Variants in CRB1 observed in about 807,000 individuals in gnomAD.
CRB1 encodes protein crumbs homolog 1.
A neutral mutation model predicts 120.0 loss-of-function variants in CRB1; 83 were observed. The observed-to-expected ratio is 0.69, with a 90% CI of 0.58 to 0.83. The LOEUF is 0.83. Among genes scored for constraint, CRB1 ranks in the 40% least tolerant of loss-of-function variants. CRB1 has a pLI of 0.00. For synonymous variants in CRB1, 625 were observed against 612.5 expected (o/e 1.02, Z -0.30); for missense variants, 1,699 against 1,687.6 (o/e 1.01, Z -0.12).
At chr1:197,297,278 G>T (rs577248064) in intron 1 of CRB1, among the ~76,000 whole-genome samples, 2 of 151,910 alleles carry the variant, frequency 1.3e-5, no homozygotes, top group East Asian at 2.0e-4. Context: ...GCTCCTAATT[G>T]TTCCTTTCTA....
chr1:197,413,053 A>AT (rs1663792602), intron 5 of CRB1, among the ~76,000 whole-genome samples: 1 of 152,190 alleles, frequency 6.6e-6, no homozygotes, highest in East Asian at 1.9e-4. Flanking sequence ...CAAGGTCTCA[A>AT]CCTAAAGGAA....
At chr1:197,388,671 A>G (rs1193687593) in intron 5 of CRB1, among the ~76,000 whole-genome samples, 1 of 152,144 alleles carries the variant, frequency 6.6e-6, no homozygotes, top group African/African-American at 2.4e-5. Context: ...CTAATAATGT[A>G]GAAATCAATC....
intron 10 of CRB1, chr1:197,439,117 G>C (rs980370): frequency 0.94 from 160,331 of 170,840 alleles, 76,165 homozygotes; most frequent in East Asian, 1. Flanking sequence ...CTCTTCAACT[G>C]TTCTTCACCT....
chr1:197,312,599 C>T (rs1431038539), intron 1 of CRB1, among the ~76,000 whole-genome samples: 2 of 151,908 alleles, frequency 1.3e-5, no homozygotes, highest in Non-Finnish European at 2.9e-5. Context: ...AACAAACAAA[C>T]AAACACCCAA....
In CRB1 at chr1:197,356,905, G is replaced by A. The variant is rs750352473; in HGVS notation, c.1063G>A (p.Val355Met). ...SNPCQSNGECVELSSEKQYGR... is the reference protein window; with the variant it reads ...SNPCQSNGECMELSSEKQYGR... ...CCCCTGCCAGTCCAATGGGGAATGT[G>A]TGGAGCTGTCCTCAGAGAAACAATA... Residue 355 changes from valine to methionine, a missense_variant, in exon 5 of 12, where the codon GTG (valine) becomes ATG (methionine). Val to Met is a conservative substitution (Grantham distance 21, BLOSUM62 1). Transcript: ENST00000367400. 3.7e-5 allele frequency: 59 copies of A among 1,614,206 alleles called. No homozygotes were observed. Among genetic ancestry groups the A allele is most frequent in the Non-Finnish European group, 5.0e-5 (59 of 1,180,026 alleles).
the CRB1 span, chr1:197,222,104 G>T: frequency 4.0e-6 from 1 of 249,230 alleles, no homozygotes; most frequent in Non-Finnish European, 7.9e-6. Context: ...GCGATGAAAG[G>T]ACAAGCCCCA....
intron 1 of CRB1, among the ~76,000 whole-genome samples, chr1:197,302,576 GC>G (rs1656932216): frequency 6.6e-6 from 1 of 152,276 alleles, no homozygotes; most frequent in South Asian, 2.1e-4. Flanking sequence ...GGAAGGCAAA[GC>G]CTGCAATGGT....
the CRB1 span, among the ~76,000 whole-genome samples, chr1:197,253,516 A>G: frequency 6.6e-6 from 1 of 152,096 alleles, no homozygotes; most frequent in Admixed American, 6.6e-5. Flanking sequence ...ATTAATTCAC[A>G]TTTGTTTTCC....
chr1:197,394,059 C>A (rs538622079), intron 5 of CRB1, among the ~76,000 whole-genome samples: 94 of 152,072 alleles, frequency 6.2e-4, no homozygotes, highest in Non-Finnish European at 9.7e-4. Context: ...TGGGTTTGAA[C>A]TGCATGGGTC....
At chr1:197,387,885 C>T (rs899614828) in intron 5 of CRB1, among the ~76,000 whole-genome samples, 1 of 151,862 alleles carries the variant, frequency 6.6e-6, no homozygotes, top group Non-Finnish European at 1.5e-5. Flanking sequence ...AATATATTAG[C>T]AGATTCTCTT....
intron 8 of CRB1, 92 bp downstream of exon 8, chr1:197,429,706 C>T (rs1186963032): frequency 3.0e-6 from 4 of 1,322,322 alleles, no homozygotes; most frequent in Admixed American, 1.9e-5. Flanking sequence ...ATAGACAAAG[C>T]CAGTTTATTA....
chr1:197,291,250 T>A (rs928270513), intron 1 of CRB1, among the ~76,000 whole-genome samples: 1 of 151,864 alleles, frequency 6.6e-6, no homozygotes, highest in Non-Finnish European at 1.5e-5. Context: ...AATACTTAAA[T>A]ATATAAGTGA....
intron 11 of CRB1, among the ~76,000 whole-genome samples, chr1:197,453,595 G>C (rs1316753669): frequency 7.0e-6 from 1 of 142,824 alleles, no homozygotes; most frequent in African/African-American, 2.5e-5. Context: ...GAGAGAGAGA[G>C]AGACAAGGTC....
In CRB1 at chr1:197,340,813, G is replaced by A. The variant is rs547207276; in HGVS notation, c.653-3468G>A. 2.6e-5 allele frequency among the ~76,000 whole-genome samples: 4 copies of A among 152,194 alleles called. No homozygotes were observed. The South Asian group carries it at 8.3e-4, about 32-fold the overall frequency. ...ATGAAGGTTATCATTATTTGGAATT[G>A]TGGAATGATGCCTGTATTAGTCCAT... is the stretch of plus-strand genomic sequence containing the variant. On this transcript the variant is annotated intron_variant, in intron 2 of 11. Coordinates refer to ENST00000367400, the MANE Select transcript of CRB1 (RefSeq NM_201253.3).
intron 11 of CRB1, chr1:197,447,523 A>T (rs1665756905): frequency 6.6e-6 from 1 of 152,206 alleles, no homozygotes; most frequent in Non-Finnish European, 1.5e-5. Context: ...GGAGGTGGGG[A>T]CCAACCATGG....
the CRB1 span, among the ~76,000 whole-genome samples, chr1:197,241,013 T>C: frequency 1.3e-5 from 2 of 152,348 alleles, no homozygotes; most frequent in Admixed American, 1.3e-4. Context: ...GAGAAGTGCC[T>C]GTTCATATCC....
At chr1:197,218,443 C>T in the CRB1 span, among the ~76,000 whole-genome samples, 1 of 152,186 alleles carries the variant, frequency 6.6e-6, no homozygotes, top group East Asian at 1.9e-4. Context: ...TGACTCAGTG[C>T]CAGTCATGTA....
At chr1:197,297,287 T>C (rs940810139) in intron 1 of CRB1, among the ~76,000 whole-genome samples, 7 of 152,024 alleles carry the variant, frequency 4.6e-5, no homozygotes, top group African/African-American at 1.4e-4. Context: ...TGTTCCTTTC[T>C]AGACTTGAAA....
chr1:197,462,633 G>A (rs1241747247), intron 11 of CRB1, among the ~76,000 whole-genome samples: 1 of 152,072 alleles, frequency 6.6e-6, no homozygotes, highest in East Asian at 1.9e-4. Context: ...GCATCCAAGA[G>A]GATTAGCTGC....
Sources: allele counts gnomAD v4.1 joint callset (sites outside exome capture counted in the v4.1 genomes callset), GRCh38; gene constraint gnomAD v4.1.1; transcripts MANE v1.5; gene names NCBI Gene and HGNC (gene_info 2026-07-23, HGNC 2026-07-21).